CTNNA2: variants seen among roughly 807,000 people sequenced by gnomAD.
CTNNA2 encodes the protein catenin alpha 2.
In CTNNA2, 42 loss-of-function variants were observed where a neutral mutation model predicts 101.0. The ratio of observed to expected loss-of-function variants is 0.42; its 90% confidence interval spans 0.32 to 0.54. CTNNA2 has a LOEUF of 0.54. Among genes scored for constraint, CTNNA2 ranks in the 20% least tolerant of loss-of-function variants. The pLI, the probability that CTNNA2 is intolerant of heterozygous loss-of-function variation, is 0.14. For synonymous variants in CTNNA2, 450 were observed against 456.4 expected, an observed-to-expected ratio of 0.99 and a Z score of 0.18; for missense variants, 871 against 1,223.1, an observed-to-expected ratio of 0.71 and a Z score of 4.29.
chr2:79,229,528 A>G (rs1192056191), intron 2 of CTNNA2, among the ~76,000 whole-genome samples: 1 of 152,082 alleles, frequency 6.6e-6, no homozygotes, highest in African/African-American at 2.4e-5. Context: ...GTCCAATTAA[A>G]CCTTTTTCTT....
chr2:80,011,839 T>C (rs757666890), intron 7 of CTNNA2, among the ~76,000 whole-genome samples: 3 of 152,192 alleles, frequency 2.0e-5, no homozygotes, highest in Admixed American at 6.5e-5. Context: ...GAAACACTCA[T>C]TGGTTTCATT....
At chr2:79,197,705 A>G (rs1404186531) in intron 1 of CTNNA2, among the ~76,000 whole-genome samples, 1 of 152,202 alleles carries the variant, frequency 6.6e-6, no homozygotes, top group Non-Finnish European at 1.5e-5. Flanking sequence ...TTGATCATCC[A>G]TGCATCCATG....
chr2:80,326,636 GT>G (rs1280911859), intron 7 of CTNNA2, among the ~76,000 whole-genome samples: 1 of 151,880 alleles, frequency 6.6e-6, no homozygotes, highest in African/African-American at 2.4e-5. Flanking sequence ...TTAGCCAATA[GT>G]TCTAATTTTT....
chr2:80,053,638 G>A (rs1235227266), intron 7 of CTNNA2, among the ~76,000 whole-genome samples: 1 of 152,148 alleles, frequency 6.6e-6, no homozygotes, highest in African/African-American at 2.4e-5. Flanking sequence ...TTCTGATTCT[G>A]TCTCAGGTCT....
intron 7 of CTNNA2, among the ~76,000 whole-genome samples, chr2:80,325,769 A>C (rs1159592001): frequency 5.3e-5 from 8 of 152,180 alleles, no homozygotes; most frequent in Admixed American, 5.2e-4. Flanking sequence ...ATGAGTTTGG[A>C]ATGCTTATAG....
intron 7 of CTNNA2, among the ~76,000 whole-genome samples, chr2:80,059,122 T>C (rs1043917996): frequency 1.3e-5 from 2 of 152,304 alleles, no homozygotes; most frequent in Admixed American, 6.5e-5. Context: ...TAAGGTAGAC[T>C]CTTGGATTTA....
chr2:79,189,931 T>A (rs1040365657), intron 1 of CTNNA2, among the ~76,000 whole-genome samples: 3 of 152,138 alleles, frequency 2.0e-5, no homozygotes, highest in Non-Finnish European at 2.9e-5. Flanking sequence ...AGGACAAGAC[T>A]TAGAGTCAAG....
At chr2:80,184,890 A>G (rs1706017395) in intron 7 of CTNNA2, among the ~76,000 whole-genome samples, 1 of 152,200 alleles carries the variant, frequency 6.6e-6, no homozygotes, top group South Asian at 2.1e-4. Context: ...AAGATGTGCA[A>G]GAAACATCCT....
chr2:80,612,641 C>T (rs536690198), intron 17 of CTNNA2, among the ~76,000 whole-genome samples: 4 of 150,594 alleles, frequency 2.7e-5, no homozygotes, highest in Non-Finnish European at 1.5e-5. Flanking sequence ...GCGTTGTGTT[C>T]CTTTTATTTT....
chr2:79,274,689 T>A (rs1476205336), intron 2 of CTNNA2, among the ~76,000 whole-genome samples: 1 of 152,080 alleles, frequency 6.6e-6, no homozygotes, highest in Admixed American at 6.6e-5. Context: ...GGTTTCTCCA[T>A]ATATTATGTG....
chr2:79,507,507 C>G (rs949273070), intron 5 of CTNNA2, among the ~76,000 whole-genome samples: 1 of 152,078 alleles, frequency 6.6e-6, no homozygotes, highest in East Asian at 1.9e-4. Flanking sequence ...GCAGCAAGAA[C>G]GCTCTCACCA....
intron 2 of CTNNA2, among the ~76,000 whole-genome samples, chr2:79,680,020 AG>A (rs1194122744): frequency 6.6e-6 from 1 of 152,134 alleles, no homozygotes; most frequent in East Asian, 1.9e-4. Context: ...AAATCGGGAA[AG>A]GGGGATGAGC....
intron 7 of CTNNA2, among the ~76,000 whole-genome samples, chr2:80,245,846 G>C (rs1005474382): frequency 8.6e-6 from 1 of 116,908 alleles, no homozygotes; most frequent in Non-Finnish European, 1.6e-5. Flanking sequence ...CCAGGCTGGA[G>C]TGCAGTGGCT....
At position 79,940,336 on chromosome 2, in the gene CTNNA2, G is replaced by A. The variant is rs566832617; in HGVS notation, c.1056+30539G>A. Among the ~76,000 whole-genome samples the A allele has an allele frequency of 2.4e-3, 362 of 152,220 alleles. 1 individual carries two copies. The highest frequency in any genetic ancestry group is 8.0e-3 in the African/African-American group (332 of 41,530). ...ATTTTCTGAAATTTTCTGATGGAAA[G>A]GTTTTGTTTTGTTGTGTTTTTAAAG... On this transcript the variant is annotated intron_variant, in intron 7 of 18. Transcript: ENST00000402739.
chr2:79,748,746 T>C (rs1404489232), intron 3 of CTNNA2, among the ~76,000 whole-genome samples: 1 of 151,938 alleles, frequency 6.6e-6, no homozygotes, highest in East Asian at 1.9e-4. Flanking sequence ...TAAATATATA[T>C]ATATATATCT....
At chr2:80,092,370 A>G (rs1277028764) in intron 7 of CTNNA2, among the ~76,000 whole-genome samples, 1 of 152,116 alleles carries the variant, frequency 6.6e-6, no homozygotes, top group Non-Finnish European at 1.5e-5. Flanking sequence ...TAAATTCAGT[A>G]GAAAAAAACA....
chr2:79,933,484 T>A (rs1168855637), intron 7 of CTNNA2, among the ~76,000 whole-genome samples: 1 of 151,744 alleles, frequency 6.6e-6, no homozygotes, highest in African/African-American at 2.4e-5. Context: ...AGATGGAGTC[T>A]TCCTCTGTCG....
At chr2:80,457,680 A>T (rs1433855762) in intron 9 of CTNNA2, among the ~76,000 whole-genome samples, 2 of 152,126 alleles carry the variant, frequency 1.3e-5, no homozygotes, top group African/African-American at 4.8e-5. Flanking sequence ...AGTAAACACT[A>T]TATTGAGGGA....
At chr2:80,069,023 T>C (rs1432578924) in intron 7 of CTNNA2, among the ~76,000 whole-genome samples, 2 of 152,180 alleles carry the variant, frequency 1.3e-5, no homozygotes, top group African/African-American at 2.4e-5. Context: ...GACTAACTAT[T>C]ATATAGGAGG....
Sources: allele counts gnomAD v4.1 joint callset (sites outside exome capture counted in the v4.1 genomes callset), GRCh38; gene constraint gnomAD v4.1.1; transcripts MANE v1.5; gene names NCBI Gene and HGNC (gene_info 2026-07-23, HGNC 2026-07-21).